The following LIPK variants were observed in gnomAD, a reference collection of about 807,000 sequenced individuals.
LIPK encodes the protein lipase family member K.
A neutral mutation model predicts 48.6 loss-of-function variants in LIPK; 32 were observed. The ratio of observed to expected loss-of-function variants is 0.66; its 90% CI spans 0.50 to 0.88. LIPK has a LOEUF of 0.88. Ranked by LOEUF, LIPK falls within the 40% of genes least tolerant of loss-of-function variation. The pLI, the probability that LIPK is intolerant of heterozygous loss-of-function variation, is 0.00. For missense variants in LIPK, 507 were observed against 478.5 expected (o/e 1.06, Z -0.56); for synonymous variants, 164 against 157.4 (o/e 1.04, Z -0.32).
chr10:88,725,180 C>T (rs1395055941), intron 2 of LIPK, among the ~76,000 whole-genome samples: 1 of 152,182 alleles, frequency 6.6e-6, no homozygotes, highest in African/African-American at 2.4e-5. Flanking sequence ...AAACGGCGCA[C>T]AATTGCTGTC....
At chr10:88,734,357 G>A (rs922880009) in intron 6 of LIPK, among the ~76,000 whole-genome samples, 1 of 152,204 alleles carries the variant, frequency 6.6e-6, no homozygotes, top group African/African-American at 2.4e-5. Flanking sequence ...TTGAAGTGGT[G>A]AAGCTCAGGC....
intron 1 of LIPK, among the ~76,000 whole-genome samples, chr10:88,706,724 G>A (rs1405763125): frequency 1.3e-5 from 2 of 152,152 alleles, no homozygotes; most frequent in Non-Finnish European, 2.9e-5. Context: ...AGCCCTTTAT[G>A]TTCTCATTCC....
chr10:88,714,632 A>T (rs980644190), intron 1 of LIPK, among the ~76,000 whole-genome samples: 6 of 152,188 alleles, frequency 3.9e-5, no homozygotes, highest in Non-Finnish European at 7.4e-5. Flanking sequence ...GTGTTTTTCA[A>T]GGAATTTGTC....
chr10:88,743,335 C>A lies in LIPK; in HGVS notation c.960+14C>A. 2 of 1,561,444 alleles carry A rather than the reference C, an allele frequency of 1.3e-6. No homozygotes were observed. The highest frequency in any genetic ancestry group is 8.7e-7 in the Non-Finnish European group (1 of 1,145,682). On this transcript the variant is annotated intron_variant, in intron 9 of 9. Coordinates refer to ENST00000404190, the MANE Select transcript of LIPK (RefSeq NM_001080518.2). ...CACTTCCATCAGGTACAAAAATAATCCTCATAATCAGTTCCATGCTGCAAA... is the reference window on the plus strand; with the variant it reads ...CACTTCCATCAGGTACAAAAATAATACTCATAATCAGTTCCATGCTGCAAA...
rs73352633 is a variant in LIPK at position 88,727,103 on chromosome 10, T to C, written c.223+191T>C. Among the ~76,000 whole-genome samples, 582 of 152,278 alleles carry C rather than the reference T, an allele frequency of 3.8e-3. 2 individuals are homozygous for C. Among genetic ancestry groups the C allele is most frequent in the African/African-American group, 0.013 (535 of 41,570 alleles). On this transcript the variant is annotated intron_variant, in intron 3 of 9. Coordinates refer to ENST00000404190, the MANE Select transcript of LIPK (RefSeq NM_001080518.2). ...TTTTAAGTCACTTTTACATACACTG[T>C]TTATCTGGTCACTCCTTTTCTTCAT...
intron 1 of LIPK, among the ~76,000 whole-genome samples, chr10:88,710,470 A>G (rs1191333881): frequency 6.6e-6 from 1 of 152,216 alleles, no homozygotes; most frequent in Non-Finnish European, 1.5e-5. Flanking sequence ...TGAATTGTAC[A>G]GTTTGATGAA....
chr10:88,736,658 G>T (rs1201277350), intron 6 of LIPK, among the ~76,000 whole-genome samples: 1 of 152,134 alleles, frequency 6.6e-6, no homozygotes, highest in Admixed American at 6.5e-5. Flanking sequence ...ACAAATCCAT[G>T]TGAAAGAAAA....
intron 1 of LIPK, among the ~76,000 whole-genome samples, chr10:88,721,041 T>A (rs1842214118): frequency 6.6e-6 from 1 of 152,088 alleles, no homozygotes; most frequent in East Asian, 1.9e-4. Context: ...TAGTCTAAAA[T>A]CCTTATATGC....
chr10:88,708,653 T>A (rs1283756553), intron 1 of LIPK, among the ~76,000 whole-genome samples: 4 of 152,058 alleles, frequency 2.6e-5, no homozygotes, highest in Non-Finnish European at 5.9e-5. Context: ...GCTACACAAT[T>A]TTCAAAATGA....
chr10:88,717,215 T>C (rs1198251324), intron 1 of LIPK, among the ~76,000 whole-genome samples: 1 of 152,190 alleles, frequency 6.6e-6, no homozygotes, highest in Non-Finnish European at 1.5e-5. Flanking sequence ...AATACCAGAT[T>C]CCTTTGGAAT....
chr10:88,718,005 G>A (rs894017874), intron 1 of LIPK, among the ~76,000 whole-genome samples: 1 of 148,812 alleles, frequency 6.7e-6, no homozygotes, highest in Admixed American at 6.7e-5. Flanking sequence ...TCAGTTTTTT[G>A]TTTAGCCTTC....
intron 3 of LIPK, 21 bp downstream of exon 3, chr10:88,726,933 A>G: frequency 1.4e-6 from 2 of 1,396,046 alleles, no homozygotes; most frequent in Non-Finnish European, 2.0e-6. Flanking sequence ...TTTTGTTATG[A>G]AAGGAAAAAT....
At chr10:88,734,249 G>A (rs1042882431) in intron 6 of LIPK, among the ~76,000 whole-genome samples, 5 of 152,128 alleles carry the variant, frequency 3.3e-5, no homozygotes, top group African/African-American at 1.2e-4. Context: ...AATACTTTTT[G>A]GATAAGATGG....
chr10:88,739,617 A>T (rs938628012), intron 7 of LIPK, among the ~76,000 whole-genome samples: 15 of 152,120 alleles, frequency 9.9e-5, no homozygotes, highest in African/African-American at 3.6e-4. Flanking sequence ...GCACTTTGGG[A>T]AGCTGAGGCA....
chr10:88,747,825 C>T (rs1047865406), intron 9 of LIPK, among the ~76,000 whole-genome samples: 2 of 152,148 alleles, frequency 1.3e-5, no homozygotes, highest in Non-Finnish European at 2.9e-5. Flanking sequence ...TGAATTAATT[C>T]AACCATTGTG....
intron 6 of LIPK, among the ~76,000 whole-genome samples, chr10:88,736,549 ATAAT>A (rs887348673): frequency 6.6e-6 from 1 of 152,228 alleles, no homozygotes; most frequent in Non-Finnish European, 1.5e-5. Context: ...ACACAAATAA[ATAAT>A]TAAAGTAAAA....
Position 88,732,171 on chromosome 10 carries a change from T to C in LIPK, c.423-7T>C, listed in dbSNP as rs748106469. On this transcript the variant is annotated splice_region_variant and splice_polypyrimidine_tract_variant and intron_variant, in intron 4 of 9. Coordinates refer to ENST00000404190, the MANE Select transcript of LIPK (RefSeq NM_001080518.2). The stretch of plus-strand genomic sequence containing the variant: ...TTTTCTAATTTGTTATTCCTTCTTT[T>C]TGATAGTTTGGATGAGATGGCTAAA... 4.4e-6 allele frequency: 7 copies of C among 1,588,242 alleles called. No individual in the cohort carries two copies. The East Asian group carries it at 6.7e-5, about 15-fold the overall frequency.
At chr10:88,732,074 A>G in intron 4 of LIPK, 104 bp from the exon 5 acceptor site, 1 of 723,996 alleles carries the variant, frequency 1.4e-6, no homozygotes, top group Non-Finnish European at 2.3e-6. Context: ...CTAGTCTTAT[A>G]TTTAACAAAA....
intron 6 of LIPK, among the ~76,000 whole-genome samples, chr10:88,736,436 T>C (rs1842572980): frequency 6.6e-6 from 1 of 152,180 alleles, no homozygotes; most frequent in African/African-American, 2.4e-5. Flanking sequence ...CCCATAATAA[T>C]TTAATAATAG....
Sources: allele counts gnomAD v4.1 joint callset (sites outside exome capture counted in the v4.1 genomes callset), GRCh38; gene constraint gnomAD v4.1.1; transcripts MANE v1.5; gene names NCBI Gene and HGNC (gene_info 2026-07-23, HGNC 2026-07-21).